EFNA5: variants seen among roughly 807,000 people sequenced by gnomAD.
The protein encoded by EFNA5 is ephrin-A5.
In EFNA5, 5 loss-of-function variants were observed where a neutral mutation model predicts 22.9. The observed-to-expected ratio is 0.22, with a 90% CI of 0.11 to 0.46. The LOEUF is 0.46. Among genes scored for constraint, EFNA5 ranks in the 20% least tolerant of loss-of-function variants. EFNA5 has a pLI of 0.99. For synonymous variants in EFNA5, 113 were observed against 112.2 expected (o/e 1.01, Z -0.04); for missense variants, 237 against 293.3 (o/e 0.81, Z 1.40).
chr5:107,583,749 T>C (rs1229412285), intron 1 of EFNA5, among the ~76,000 whole-genome samples: 1 of 152,212 alleles, frequency 6.6e-6, no homozygotes, highest in Non-Finnish European at 1.5e-5. Context: ...TTATAACAAG[T>C]ACTTTATATG....
chr5:107,447,884 G>T (rs527703783), intron 1 of EFNA5, among the ~76,000 whole-genome samples: 1 of 151,480 alleles, frequency 6.6e-6, no homozygotes, highest in Admixed American at 6.6e-5. Context: ...GTCTGGTTCT[G>T]TTGCCCAGGC....
intron 1 of EFNA5, among the ~76,000 whole-genome samples, chr5:107,454,660 A>AT (rs1191835581): frequency 1.3e-5 from 2 of 152,144 alleles, no homozygotes; most frequent in African/African-American, 2.4e-5. Context: ...AAATACTAAC[A>AT]TTTTTTAGTG....
intron 1 of EFNA5, among the ~76,000 whole-genome samples, chr5:107,616,427 G>C (rs1011622397): frequency 6.6e-6 from 1 of 152,208 alleles, no homozygotes; most frequent in African/African-American, 2.4e-5. Context: ...TGATAGCAGA[G>C]AGCAGCCTGG....
chr5:107,526,088 C>G (rs570787541), intron 1 of EFNA5, among the ~76,000 whole-genome samples: 2 of 152,092 alleles, frequency 1.3e-5, no homozygotes, highest in Non-Finnish European at 2.9e-5. Flanking sequence ...GTATAGCCAG[C>G]AAATACGGAA....
rs760703715 is a variant in EFNA5, at chr5:107,387,692, T to C, written c.484+14A>G. ...GGTGAAGCCACCCTCTGAAGCTCAT[T>C]CTAGTGAACTTACTTGTTGGTCTCA... On this transcript the variant is annotated intron_variant, in intron 3 of 4. Transcript: ENST00000333274. 10 of 1,599,948 alleles carry C rather than the reference T, an allele frequency of 6.3e-6. No homozygotes were observed. Among genetic ancestry groups the C allele is most frequent in the African/African-American group, 2.7e-5 (2 of 74,452 alleles).
intron 1 of EFNA5, among the ~76,000 whole-genome samples, chr5:107,615,597 G>A (rs1040622707): frequency 2.0e-5 from 3 of 152,144 alleles, no homozygotes; most frequent in Admixed American, 6.5e-5. Flanking sequence ...GATCTTTGCC[G>A]AAATGCACAA....
Position 107,458,681 on chromosome 5 carries a change from C to A in EFNA5, c.126-31172G>T, listed in dbSNP as rs187161188. ...CTGAAAACCTCCGTATGGGTATCCT[C>A]AATTATTTGCTTAAATCGTAAGGGA... On this transcript the variant is annotated intron_variant, in intron 1 of 4. Transcript: ENST00000333274. Among the ~76,000 whole-genome samples, 13 of 152,198 alleles carry A rather than the reference C, an allele frequency of 8.5e-5. No homozygotes were observed. In the East Asian group the frequency reaches 2.5e-3, roughly 29 times the overall value.
At chr5:107,388,749 T>G (rs975534853) in intron 2 of EFNA5, among the ~76,000 whole-genome samples, 2 of 152,242 alleles carry the variant, frequency 1.3e-5, no homozygotes, top group African/African-American at 4.8e-5. Flanking sequence ...TTCAAGTGGT[T>G]TCTTTGTTCA....
intron 1 of EFNA5, among the ~76,000 whole-genome samples, chr5:107,601,707 G>C (rs1283550553): frequency 6.6e-6 from 1 of 152,168 alleles, no homozygotes; most frequent in Admixed American, 6.5e-5. Context: ...TAGACATTGT[G>C]CAAGGTGCTC....
At chr5:107,435,609 T>C (rs533286632) in intron 1 of EFNA5, among the ~76,000 whole-genome samples, 13 of 152,284 alleles carry the variant, frequency 8.5e-5, no homozygotes, top group African/African-American at 2.6e-4. Flanking sequence ...CCAAAACACA[T>C]AATTTCAGAC....
intron 1 of EFNA5, among the ~76,000 whole-genome samples, chr5:107,458,826 T>A (rs1402750428): frequency 2.0e-5 from 3 of 152,170 alleles, no homozygotes; most frequent in Non-Finnish European, 4.4e-5. Context: ...GAAACTTTAA[T>A]CATCCATTGT....
At chr5:107,520,528 T>C (rs865986027) in intron 1 of EFNA5, among the ~76,000 whole-genome samples, 117 of 152,222 alleles carry the variant, frequency 7.7e-4, no homozygotes, top group African/African-American at 2.6e-3. Flanking sequence ...TCTATTTGTA[T>C]CTGTGTCTAG....
intron 2 of EFNA5, among the ~76,000 whole-genome samples, chr5:107,421,792 C>T (rs1194731337): frequency 7.2e-6 from 1 of 139,512 alleles, no homozygotes; most frequent in African/African-American, 2.6e-5. Flanking sequence ...TCATTTCTTT[C>T]TTTCTTTTTT....
At chr5:107,570,484 C>T (rs930433910) in intron 1 of EFNA5, among the ~76,000 whole-genome samples, 13 of 152,178 alleles carry the variant, frequency 8.5e-5, no homozygotes, top group Admixed American at 6.5e-4. Flanking sequence ...ATCTTAATCC[C>T]TTGTATCAAC....
At chr5:107,635,334 GT>G (rs1252129849) in intron 1 of EFNA5, among the ~76,000 whole-genome samples, 2 of 152,058 alleles carry the variant, frequency 1.3e-5, no homozygotes, top group African/African-American at 4.8e-5. Flanking sequence ...GTATATTCTT[GT>G]CTAGGCAAAA....
intron 1 of EFNA5, among the ~76,000 whole-genome samples, chr5:107,434,938 TGAAATGTAAAA>T (rs1749066558): frequency 6.6e-6 from 1 of 152,198 alleles, no homozygotes; most frequent in African/African-American, 2.4e-5. Flanking sequence ...ATTCTGAAAT[TGAAATGTAAAA>T]GAAGGATATG....
intron 1 of EFNA5, among the ~76,000 whole-genome samples, chr5:107,631,508 A>G (rs1337849568): frequency 1.3e-5 from 2 of 152,272 alleles, no homozygotes; most frequent in Non-Finnish European, 2.9e-5. Context: ...GTTTTTCTGG[A>G]TACCAAAAAA....
intron 1 of EFNA5, among the ~76,000 whole-genome samples, chr5:107,505,416 C>T (rs1747232329): frequency 6.6e-6 from 1 of 152,184 alleles, no homozygotes; most frequent in East Asian, 1.9e-4. Flanking sequence ...AATCTGCAAA[C>T]ATTGCCTAGG....
intron 1 of EFNA5, among the ~76,000 whole-genome samples, chr5:107,646,961 C>T (rs528621983): frequency 6.6e-6 from 1 of 152,084 alleles, no homozygotes; most frequent in South Asian, 2.1e-4. Flanking sequence ...TTGAATATGA[C>T]TGTCAGTACA....
Sources: gnomAD v4.1 joint callset for allele counts (sites outside exome capture counted in the v4.1 genomes callset) on GRCh38, gnomAD v4.1.1 for gene constraint, MANE v1.5 for transcripts, NCBI Gene and HGNC (gene_info 2026-07-23, HGNC 2026-07-21) for gene names.